Variants in GALK1 observed in about 807,000 individuals in gnomAD.
The protein encoded by GALK1 is galactokinase.
A neutral mutation model predicts 38.6 loss-of-function variants in GALK1; 30 were observed. That is an observed-to-expected ratio of 0.78 (90% confidence interval 0.58 to 1.05). The LOEUF (loss-of-function observed/expected upper bound fraction) is 1.05, where lower values mean the gene tolerates loss of function less well. GALK1 is among the 50% of genes least tolerant of loss of function. The probability of loss-of-function intolerance (pLI) is 0.00; values close to 1 mark genes in which losing one functional copy is unlikely to be tolerated. For synonymous variants in GALK1, 240 were observed against 233.6 expected, an observed-to-expected ratio of 1.03 and a Z score of -0.25; for missense variants, 512 against 540.5, an observed-to-expected ratio of 0.95 and a Z score of 0.52.
At chr17:75,764,936 G>A in intron 1 of GALK1, 36 bp downstream of exon 1, 2 of 1,590,936 alleles carry the variant, frequency 1.3e-6, no homozygotes, top group South Asian at 1.1e-5. Context: ...CGGGACAGGC[G>A]GCGGCGGGCT....
At chr17:75,763,273 G>A in intron 3 of GALK1, 47 bp downstream of exon 3, 1 of 1,613,760 alleles carries the variant, frequency 6.2e-7, no homozygotes, top group Non-Finnish European at 8.5e-7. Context: ...ACCACCTGGA[G>A]ACCTCAGGGA....
chr17:75,752,562 G>A lies in GALK1; in HGVS notation c.*23-825C>T, dbSNP rs145750695. On this transcript the variant is annotated intron_variant, in intron 8 of 8. Coordinates refer to the GALK1 transcript ENST00000225614. ...TCCATCGGGCAGCCAGAGGCCCAGC[G>A]TCTCCGATGACACTGGTGAGTGGAG... The A allele has an allele frequency of 8.6e-4, 1,387 of 1,613,574 alleles. 15 individuals carry two copies. The African/African-American group carries it at 0.016, about 19-fold the overall frequency.
chr17:75,763,997 G>A lies in GALK1; in HGVS notation c.255C>T (p.Pro85=), dbSNP rs2143605234. Residue 85 remains proline (P), a synonymous_variant, in exon 2 of 8, where the codon CCC becomes CCT. Coordinates refer to ENST00000588479, the MANE Select transcript of GALK1 (RefSeq NM_000154.2). ...LLTTSEGADE[P]QRLQFPLPTA... The stretch of plus-strand genomic sequence containing the variant: ...TGGGCAGTGGAAACTGCAGCCGCTG[G>A]GGCTCATCGGCACCCTCAGAGGTGG... The A allele has an allele frequency of 1.2e-6, 2 of 1,611,394 alleles. No homozygotes were observed. Among genetic ancestry groups the A allele is most frequent in the Non-Finnish European group, 1.7e-6 (2 of 1,179,478 alleles).
At chr17:75,757,093 A>G, downstream of GALK1, 1 of 1,612,860 alleles carries the variant, frequency 6.2e-7, no homozygotes, top group Non-Finnish European at 8.5e-7. Context: ...ATCACCATAG[A>G]GTCCCAGGAT....
At chr17:75,762,544 C>A (rs2061591665) in intron 5 of GALK1, among the ~76,000 whole-genome samples, 160 bp downstream of exon 5, 1 of 152,172 alleles carries the variant, frequency 6.6e-6, no homozygotes, top group Non-Finnish European at 1.5e-5. Flanking sequence ...TCAAGCAGCC[C>A]TGCTGAGATT....
downstream of GALK1, chr17:75,754,537 G>C (rs2061441577): frequency 6.2e-7 from 1 of 1,612,282 alleles, no homozygotes; most frequent in African/African-American, 1.3e-5. Flanking sequence ...CCCGGGTCTG[G>C]GGCAGGCCTG....
intron 6 of GALK1, 26 bp downstream of exon 6, chr17:75,758,423 G>A (rs1348643322): frequency 6.3e-7 from 1 of 1,574,908 alleles, no homozygotes; most frequent in Non-Finnish European, 8.6e-7. Context: ...GTGCCCGGCA[G>A]GAGCGGGGCG....
In GALK1 at chr17:75,758,254, G is replaced by C. The variant is rs2061564046; in HGVS notation, c.1063C>G (p.Leu355Val). The change falls in exon 7 of 8, where the codon CTG (leucine) becomes GTG (valine). Residue 355 changes from leucine (L) to valine (V), a missense_variant. Physicochemically the swap from Leu to Val is conservative, Grantham distance 32 (BLOSUM62 1). Coordinates refer to ENST00000588479, the MANE Select transcript of GALK1 (RefSeq NM_000154.2). ...TGGGGAGCAGCGGAGGCCTCCAGCA[G>C]TGTCACCGTGCAGCCACCGAAGCCA... ...GGGFGGCTVTLLEASAAPHAM... is the reference protein window; with the variant it reads ...GGGFGGCTVTVLEASAAPHAM... The C allele has an allele frequency of 6.3e-7, 1 of 1,599,764 alleles. No individual in the cohort carries two copies. Among genetic ancestry groups the C allele is most frequent in the Non-Finnish European group, 8.5e-7 (1 of 1,174,278 alleles).
chr17:75,760,805 G>A (rs1219588468), intron 5 of GALK1, among the ~76,000 whole-genome samples: 2 of 151,398 alleles, frequency 1.3e-5, no homozygotes, highest in African/African-American at 4.9e-5. Context: ...CAGATAAACC[G>A]GGTGCCTTTG....
Position 75,757,997 on chromosome 17 carries a change from G to A in GALK1, c.*59C>T. ...GATATGGAAGATGGCACCGGGCACA[G>A]AGCCGTGGGACTGGCCTGCAGGCCC... On this transcript the variant is annotated 3_prime_UTR_variant, in exon 8 of 8. Coordinates refer to ENST00000588479, the MANE Select transcript of GALK1 (RefSeq NM_000154.2). 4 of 1,581,192 alleles carry A rather than the reference G, an allele frequency of 2.5e-6. No individual in the cohort carries two copies. The highest frequency in any genetic ancestry group is 3.5e-6 in the Non-Finnish European group (4 of 1,154,768).
At chr17:75,751,680 G>T (rs1480001244) in exon 9 of GALK1, 1 of 222,310 alleles carries the variant, frequency 4.5e-6, no homozygotes, top group Non-Finnish European at 9.1e-6. Flanking sequence ...GGCGCAGGTT[G>T]CAGTGAACCG....
chr17:75,764,449 G>A (rs747180158), intron 1 of GALK1: 3 of 566,866 alleles, frequency 5.3e-6, no homozygotes, highest in African/African-American at 1.9e-5. Context: ...CAGATGGGGC[G>A]GAAAGCGCCC....
chr17:75,757,487 G>C (rs2143571917), downstream of GALK1: 2 of 1,613,058 alleles, frequency 1.2e-6, no homozygotes, highest in Non-Finnish European at 1.7e-6. Flanking sequence ...CCAGGAGTTT[G>C]TGAGCCGGAC....
At position 75,752,313 on chromosome 17, in the gene GALK1, G is replaced by A. The variant is rs758780854; in HGVS notation, c.*23-576C>T. ...GGGCCGGCTGGGGGCCTGAGCGGGA[G>A]GCCATCATCAACCTGGCCACCCAGC... On this transcript the variant is annotated intron_variant, in intron 8 of 8. Transcript: ENST00000225614. 6.2e-7 allele frequency: 1 copy of A among 1,613,070 alleles called. No individual in the cohort carries two copies. Among genetic ancestry groups the A allele is most frequent in the East Asian group, 2.2e-5 (1 of 44,886 alleles).
intron 5 of GALK1, among the ~76,000 whole-genome samples, chr17:75,760,095 G>A (rs2061581008): frequency 6.6e-6 from 1 of 152,088 alleles, no homozygotes; most frequent in Non-Finnish European, 1.5e-5. Context: ...AAGGATACTT[G>A]TATCTTTTTT....
At chr17:75,753,717 G>T, downstream of GALK1, 1 of 1,292,970 alleles carries the variant, frequency 7.7e-7, no homozygotes, top group Non-Finnish European at 9.9e-7. Flanking sequence ...GCCCTGCTCG[G>T]CCCGGCGCCC....
intron 8 of GALK1, chr17:75,751,748 A>G: frequency 4.2e-6 from 1 of 239,212 alleles, no homozygotes. Flanking sequence ...CTAAAAATAA[A>G]TAAATAAAAA....
chr17:75,764,577 A>G (rs1241883058), intron 1 of GALK1: 6 of 456,188 alleles, frequency 1.3e-5, no homozygotes, highest in Non-Finnish European at 2.6e-5. Flanking sequence ...TGTAAATTGA[A>G]CGGGCTGGGC....
rs746381829 is a variant in GALK1 at position 75,764,993 on chromosome 17, G to A, written c.144C>T (p.Asn48=). ...TCACCATAGGCAGCACCAGGCCCTG[G>A]TTGTAGTCCGTGTGTTCCCCGATGA... The part of the protein sequence containing the change: ...VNLIGEHTDY[N]QGLVLPMALE... Residue 48 remains asparagine, a synonymous_variant, in exon 1 of 8, where the codon AAC becomes AAT. Transcript: ENST00000588479. 6.2e-7 allele frequency: 1 copy of A among 1,610,350 alleles called. No individual in the cohort carries two copies. Among genetic ancestry groups the A allele is most frequent in the Non-Finnish European group, 8.5e-7 (1 of 1,178,728 alleles).
Sources: gnomAD v4.1 joint callset for allele counts (sites outside exome capture counted in the v4.1 genomes callset) on GRCh38, gnomAD v4.1.1 for gene constraint, MANE v1.5 for transcripts, NCBI Gene and HGNC (gene_info 2026-07-23, HGNC 2026-07-21) for gene names.